The following PARD3B variants were observed in gnomAD, a reference collection of about 807,000 sequenced individuals.
PARD3B encodes the protein partitioning defective 3 homolog B.
Under a neutral mutation model 130.2 loss-of-function variants are expected in PARD3B, and 103 were observed. That is an observed-to-expected ratio of 0.79 (90% CI 0.67 to 0.93). The LOEUF (loss-of-function observed/expected upper bound fraction) is 0.93. PARD3B is among the 40% of genes least tolerant of loss of function. The pLI is 0.00. For missense variants in PARD3B, 1,609 were observed against 1,499.2 expected (o/e 1.07, Z -1.21); for synonymous variants, 583 against 553.2 (o/e 1.05, Z -0.76).
At chr2:205,414,401 AT>A (rs2046704970) in intron 19 of PARD3B, among the ~76,000 whole-genome samples, 1 of 152,194 alleles carries the variant, frequency 6.6e-6, no homozygotes, top group African/African-American at 2.4e-5. Context: ...ATAAAACAGC[AT>A]TAAATTTTGA....
chr2:204,874,414 G>A lies in PARD3B; in HGVS notation c.223-90738G>A, dbSNP rs536084087. On this transcript the variant is annotated intron_variant, in intron 2 of 22. Transcript: ENST00000406610. ...GAAATAAGTTTTGGTGCTTAAAATG[G>A]GTAAAGAACCAGTAGTAAAACATTC... 2.6e-5 allele frequency among the ~76,000 whole-genome samples: 4 copies of A among 152,050 alleles called. No individual in the cohort carries two copies. The East Asian group carries it at 5.8e-4, about 22-fold the overall frequency.
intron 18 of PARD3B, among the ~76,000 whole-genome samples, chr2:205,342,180 T>G: frequency 6.6e-6 from 1 of 152,184 alleles, no homozygotes; most frequent in East Asian, 1.9e-4. Flanking sequence ...GTATATTCAA[T>G]TAATATTTAC....
chr2:205,323,408 A>G (rs2042825949), intron 18 of PARD3B, among the ~76,000 whole-genome samples: 1 of 152,190 alleles, frequency 6.6e-6, no homozygotes, highest in Non-Finnish European at 1.5e-5. Context: ...CATGAAGCAC[A>G]TGTAGAGCTC....
At chr2:204,845,316 TCTGC>T (rs2044415432) in intron 2 of PARD3B, among the ~76,000 whole-genome samples, 1 of 152,208 alleles carries the variant, frequency 6.6e-6, no homozygotes, top group Non-Finnish European at 1.5e-5. Flanking sequence ...GATTTAACTT[TCTGC>T]TTTGAACAAC....
intron 2 of PARD3B, among the ~76,000 whole-genome samples, chr2:204,891,459 G>A (rs2046443233): frequency 6.6e-6 from 1 of 152,134 alleles, no homozygotes; most frequent in African/African-American, 2.4e-5. Flanking sequence ...TTTAGAGCTC[G>A]ATGATTTATT....
chr2:204,940,154 G>GAAGA (rs1688793365), intron 2 of PARD3B, among the ~76,000 whole-genome samples: 1 of 152,178 alleles, frequency 6.6e-6, no homozygotes, highest in Admixed American at 6.5e-5. Context: ...GTTAACGTAG[G>GAAGA]AAGATTAATG....
At position 205,366,392 on chromosome 2, in the gene PARD3B, A is replaced by G. The variant is rs148816027; in HGVS notation, c.2631-34621A>G. ...CAGAGGTAAAGAATTTCCTACTTAT[A>G]TTCGATGACAACCTAATGTTTTGTT... On this transcript the variant is annotated intron_variant, in intron 18 of 22. Coordinates refer to ENST00000406610, the MANE Select transcript of PARD3B (RefSeq NM_001302769.2). This position sits in a 1 kb window ranked among gnomAD's most constrained non-coding sequence, Gnocchi z 5.0. Among the ~76,000 whole-genome samples the G allele has an allele frequency of 3.9e-3, 592 of 152,256 alleles. 5 individuals carry two copies. The highest frequency in any genetic ancestry group is 0.013 in the African/African-American group (553 of 41,556).
At chr2:205,583,194 G>A (rs959150856) in intron 22 of PARD3B, among the ~76,000 whole-genome samples, 2 of 152,196 alleles carry the variant, frequency 1.3e-5, no homozygotes, top group Non-Finnish European at 2.9e-5. Context: ...TAACAAGTAC[G>A]CAGGCACTGC....
At chr2:204,810,857 T>A (rs181642832) in intron 2 of PARD3B, among the ~76,000 whole-genome samples, 13 of 152,294 alleles carry the variant, frequency 8.5e-5, no homozygotes, top group African/African-American at 3.1e-4. Context: ...CCTCTTCAAT[T>A]TTTTGGAATA....
At chr2:204,867,657 G>C (rs2045477853) in intron 2 of PARD3B, among the ~76,000 whole-genome samples, 1 of 151,978 alleles carries the variant, frequency 6.6e-6, no homozygotes, top group African/African-American at 2.4e-5. Flanking sequence ...TTTTAATTTT[G>C]AAATTTGATA....
chr2:204,788,148 T>C (rs2042074949), intron 2 of PARD3B, among the ~76,000 whole-genome samples: 1 of 152,266 alleles, frequency 6.6e-6, no homozygotes, highest in African/African-American at 2.4e-5. Flanking sequence ...TTACTGGATG[T>C]ACTGGGACAG....
At chr2:205,261,523 C>A (rs1193769777) in intron 16 of PARD3B, among the ~76,000 whole-genome samples, 5 of 152,014 alleles carry the variant, frequency 3.3e-5, no homozygotes, top group Non-Finnish European at 7.4e-5. Flanking sequence ...ACAAGACAAT[C>A]CAATATAAAA....
intron 4 of PARD3B, among the ~76,000 whole-genome samples, chr2:205,095,331 T>C (rs1466504655): frequency 6.6e-6 from 1 of 152,090 alleles, no homozygotes; most frequent in Non-Finnish European, 1.5e-5. Context: ...TTTGAAAAAA[T>C]TGTTTTCCAC....
chr2:205,451,878 A>G (rs1264365423), intron 20 of PARD3B, among the ~76,000 whole-genome samples: 2 of 152,148 alleles, frequency 1.3e-5, no homozygotes, highest in East Asian at 1.9e-4. Context: ...TATTGACTAG[A>G]GTCACCCTGT....
intron 2 of PARD3B, among the ~76,000 whole-genome samples, chr2:204,801,381 T>G (rs1397040162): frequency 2.0e-5 from 3 of 152,242 alleles, no homozygotes; most frequent in African/African-American, 7.2e-5. Context: ...GTGTCCTCTC[T>G]TATTTCCTTG....
chr2:204,701,976 C>A (rs923294196), intron 2 of PARD3B, among the ~76,000 whole-genome samples: 1 of 152,134 alleles, frequency 6.6e-6, no homozygotes, highest in African/African-American at 2.4e-5. Context: ...CTCCCACTTA[C>A]AAGTGAAAAC....
chr2:204,845,893 G>C (rs750910624), intron 2 of PARD3B, among the ~76,000 whole-genome samples: 5 of 151,954 alleles, frequency 3.3e-5, no homozygotes, highest in Non-Finnish European at 4.4e-5. Context: ...ATGCAGAATT[G>C]ACATATATGC....
chr2:204,723,134 G>A (rs1183734061), intron 2 of PARD3B, among the ~76,000 whole-genome samples: 1 of 152,110 alleles, frequency 6.6e-6, no homozygotes, highest in African/African-American at 2.4e-5. Context: ...AATTGTTATA[G>A]ATCCATCTTT....
chr2:204,606,791 T>C lies in PARD3B; in HGVS notation c.120+60672T>C, dbSNP rs993608625. ...TGGAATTCAATTCAGTTAAGACTAC[T>C]GAGAGTCCTTTATATCTCGTTTGGA... On this transcript the variant is annotated intron_variant, in intron 1 of 22. Transcript: ENST00000406610. This position sits in a 1 kb window ranked among gnomAD's most constrained non-coding sequence, Gnocchi z 4.0. 6.6e-6 allele frequency among the ~76,000 whole-genome samples: 1 copy of C among 152,176 alleles called. No homozygotes were observed. Among genetic ancestry groups the C allele is most frequent in the Non-Finnish European group, 1.5e-5 (1 of 68,024 alleles).
Sources: allele counts gnomAD v4.1 joint callset (sites outside exome capture counted in the v4.1 genomes callset), GRCh38; gene constraint gnomAD v4.1.1; non-coding constraint Gnocchi (gnomAD v3.1); transcripts MANE v1.5; gene names NCBI Gene and HGNC (gene_info 2026-07-23, HGNC 2026-07-21).